Variants in PCBP2 observed in about 807,000 individuals in gnomAD.
PCBP2 encodes poly(rC)-binding protein 2.
PCBP2 carries 4 observed loss-of-function variants against 50.1 expected under a neutral mutation model. The observed-to-expected ratio is 0.08, with a 90% confidence interval of 0.04 to 0.18. PCBP2 has a LOEUF of 0.18. Among genes scored for constraint, PCBP2 ranks in the 10% least tolerant of loss-of-function variants. PCBP2 has a pLI of 1.00. For synonymous variants in PCBP2, 179 were observed against 168.0 expected (o/e 1.07, Z -0.51); for missense variants, 161 against 474.3 (o/e 0.34, Z 6.14).
chr12:53,471,525 C>A, intron 13 of PCBP2, 113 bp from the exon 14 acceptor site: 2 of 999,056 alleles, frequency 2.0e-6, no homozygotes, highest in Non-Finnish European at 2.8e-6. Context: ...CAAGATCAGG[C>A]CACTGCACTC....
chr12:53,468,906 G>T, intron 13 of PCBP2, 74 bp downstream of exon 13: 8 of 965,384 alleles, frequency 8.3e-6, no homozygotes, highest in Non-Finnish European at 1.3e-5. Flanking sequence ...TTTCAGCAGT[G>T]TCCTGCTACC....
chr12:53,461,708 A>AT (rs939124970), intron 7 of PCBP2, among the ~76,000 whole-genome samples: 2 of 151,930 alleles, frequency 1.3e-5, no homozygotes, highest in Admixed American at 6.6e-5. Context: ...AATGAAACGA[A>AT]TTTTTTCGTG....
At chr12:53,478,995 G>T (rs889939991) in intron 14 of PCBP2, among the ~76,000 whole-genome samples, 1 of 151,990 alleles carries the variant, frequency 6.6e-6, no homozygotes, top group African/African-American at 2.4e-5. Flanking sequence ...ACTCTCAGAT[G>T]ACTCTTTCTT....
chr12:53,472,006 G>GC (rs201552613), intron 14 of PCBP2, among the ~76,000 whole-genome samples, 199 bp downstream of exon 14: 67 of 148,906 alleles, frequency 4.5e-4, no homozygotes, highest in Middle Eastern at 3.4e-3. Context: ...GGGGTTGGTG[G>GC]GGGGGGGAGC....
At chr12:53,455,560 C>A in intron 4 of PCBP2, 67 bp downstream of exon 4, 4 of 1,532,548 alleles carry the variant, frequency 2.6e-6, no homozygotes, top group Non-Finnish European at 3.6e-6. Flanking sequence ...AGTGAAAATT[C>A]TTTTTCAGAA....
intron 1 of PCBP2, among the ~76,000 whole-genome samples, chr12:53,453,521 C>G (rs928839274): frequency 6.6e-6 from 1 of 152,174 alleles, no homozygotes; most frequent in Admixed American, 6.6e-5. Context: ...TTGCCATATA[C>G]AGAATGGTGT....
intron 7 of PCBP2, among the ~76,000 whole-genome samples, chr12:53,461,830 C>T (rs946020874): frequency 6.6e-6 from 1 of 152,142 alleles, no homozygotes; most frequent in Non-Finnish European, 1.5e-5. Flanking sequence ...TCACCTGTCT[C>T]CCCAGTAGCT....
At chr12:53,455,855 A>G in intron 4 of PCBP2, 30 bp from the exon 5 acceptor site, 1 of 1,441,516 alleles carries the variant, frequency 6.9e-7, no homozygotes, top group Non-Finnish European at 9.8e-7. Flanking sequence ...TCTTTGTTTT[A>G]ACTTCTTTTG....
At chr12:53,465,130 C>G in intron 9 of PCBP2, 4 of 319,114 alleles carry the variant, frequency 1.3e-5, no homozygotes, top group Non-Finnish European at 2.3e-5. Flanking sequence ...CTTCCACCCC[C>G]ACCTGGGTGT....
chr12:53,470,378 CAAAAAAAAAA>C (rs754350790), intron 13 of PCBP2, among the ~76,000 whole-genome samples: 15 of 47,366 alleles, frequency 3.2e-4, no homozygotes, highest in East Asian at 9.3e-4. Flanking sequence ...CTCCGTCTCT[CAAAAAAAAAA>C]AAAAAAAAAA....
At chr12:53,464,202 TC>T (rs1481010928) in intron 8 of PCBP2, among the ~76,000 whole-genome samples, 1 of 151,988 alleles carries the variant, frequency 6.6e-6, no homozygotes, top group East Asian at 1.9e-4. Flanking sequence ...TGGAATAGAG[TC>T]CCATACTGGG....
chr12:53,457,179 T>TA (rs1941092876), intron 5 of PCBP2, among the ~76,000 whole-genome samples: 1 of 152,074 alleles, frequency 6.6e-6, no homozygotes, highest in Non-Finnish European at 1.5e-5. Flanking sequence ...CCTGAGTAGC[T>TA]GGGGCTACAG....
rs1942959720 is a variant in PCBP2, at chr12:53,480,129, AC to A, written c.*688del. ...GGAGGGGGTGGGGGAAAGGAATGAC[AC>A]ATGACATACATGGCATACACATTAA... On this transcript the variant is annotated 3_prime_UTR_variant, in exon 15 of 15. Coordinates refer to ENST00000546463, the MANE Select transcript of PCBP2 (RefSeq NM_031989.5). The A allele has an allele frequency of 6.6e-6, 1 of 152,154 alleles. No homozygotes were observed. The highest frequency in any genetic ancestry group is 2.4e-5 in the African/African-American group (1 of 41,418). The allele number at this position is 152,154 out of a possible 1,614,324, so 9.4% of individuals were successfully genotyped here.
intron 8 of PCBP2, chr12:53,464,533 C>A: frequency 2.0e-6 from 1 of 507,616 alleles, no homozygotes; most frequent in Non-Finnish European, 3.4e-6. Context: ...CTCTGTTGCC[C>A]CACCCCTTCA....
At chr12:53,459,454 T>C in intron 6 of PCBP2, 51 bp downstream of exon 6, 1 of 1,562,020 alleles carries the variant, frequency 6.4e-7, no homozygotes, top group Non-Finnish European at 8.7e-7. Context: ...TGTTCCAAAT[T>C]GGCTCTTTGT....
intron 12 of PCBP2, 96 bp downstream of exon 12, chr12:53,467,939 C>T (rs1941931400): frequency 2.1e-6 from 2 of 967,486 alleles, no homozygotes; most frequent in Non-Finnish European, 3.3e-6. Flanking sequence ...ATACCAGCAA[C>T]ATGCACATGG....
chr12:53,477,690 A>AAAAAAAAAC (rs1565876308), intron 14 of PCBP2, among the ~76,000 whole-genome samples: 1 of 149,966 alleles, frequency 6.7e-6, no homozygotes, highest in African/African-American at 2.5e-5. Flanking sequence ...AAAAAAAAAA[A>AAAAAAAAAC]AAAACCCTAA....
intron 14 of PCBP2, among the ~76,000 whole-genome samples, chr12:53,477,352 A>G (rs1942657593): frequency 6.6e-6 from 1 of 152,032 alleles, no homozygotes; most frequent in Non-Finnish European, 1.5e-5. Context: ...ATTGGCACGA[A>G]TCTACCCCCC....
intron 5 of PCBP2, among the ~76,000 whole-genome samples, chr12:53,458,989 G>T (rs1941251559): frequency 6.6e-6 from 1 of 152,120 alleles, no homozygotes; most frequent in Admixed American, 6.5e-5. Context: ...GCCTGGCCAA[G>T]TGTAACTGCA....
Sources: gnomAD v4.1 joint callset for allele counts (sites outside exome capture counted in the v4.1 genomes callset) on GRCh38, gnomAD v4.1.1 for gene constraint, MANE v1.5 for transcripts, NCBI Gene and HGNC (gene_info 2026-07-23, HGNC 2026-07-21) for gene names.